SPATA21: variants seen among roughly 807,000 people sequenced by gnomAD.
The protein encoded by SPATA21 is spermatogenesis-associated protein 21.
A neutral mutation model predicts 54.8 loss-of-function variants in SPATA21; 47 were observed. The observed-to-expected ratio is 0.86, with a 90% confidence interval of 0.68 to 1.09. SPATA21 has a LOEUF of 1.09. Among genes scored for constraint, SPATA21 ranks in the 50% least tolerant of loss-of-function variants. The pLI is 0.00. For missense variants in SPATA21, 599 were observed against 596.4 expected, an observed-to-expected ratio of 1.00 and a Z score of -0.05; for synonymous variants, 245 against 235.3, an observed-to-expected ratio of 1.04 and a Z score of -0.38.
chr1:16,430,026 G>A (rs2086418542), intron 3 of SPATA21, among the ~76,000 whole-genome samples: 1 of 142,602 alleles, frequency 7.0e-6, no homozygotes, highest in African/African-American at 2.6e-5. Flanking sequence ...AAATTAGACG[G>A]AAATCATTTG....
In SPATA21 at chr1:16,403,909, G is replaced by A. The variant is rs576378699; in HGVS notation, c.883+59C>T. The A allele has an allele frequency of 2.1e-5, 34 of 1,612,234 alleles. No individual in the cohort carries two copies. In the Middle Eastern group the frequency reaches 8.3e-4, roughly 39 times the overall value. On this transcript the variant is annotated intron_variant, in intron 9 of 12. Transcript: ENST00000335496. ...GTCCTGAATGCCCTCTTCTCTCCCCGCAACCAACCTCCCAGCCCCTCCTCC... is the reference window on the plus strand; with the variant it reads ...GTCCTGAATGCCCTCTTCTCTCCCCACAACCAACCTCCCAGCCCCTCCTCC...
rs552573379 is a variant in SPATA21 at position 16,411,650 on chromosome 1, T to C, written c.145-1607A>G. On this transcript the variant is annotated intron_variant, in intron 5 of 12. Coordinates refer to ENST00000335496, the MANE Select transcript of SPATA21 (RefSeq NM_198546.1). ...CTAAAAATACAAAAAATTCGCCGGG[T>C]GTGGTGGCAGGTGCCTGTAGTTCCA... 3.8e-4 allele frequency among the ~76,000 whole-genome samples: 57 copies of C among 150,982 alleles called. No homozygotes were observed. In the Middle Eastern group the frequency reaches 0.01, roughly 27 times the overall value.
rs193287680 is a variant in SPATA21 at position 16,414,966 on chromosome 1, G to A, written c.145-4923C>T. On this transcript the variant is annotated intron_variant, in intron 5 of 12. Coordinates refer to ENST00000335496, the MANE Select transcript of SPATA21 (RefSeq NM_198546.1). ...GAAAAGAGACCCATTTTCCCATGTC[G>A]AAGACTCCTTTAATTGTTTTCCTGA... is the stretch of plus-strand genomic sequence containing the variant. 2.7e-5 allele frequency among the ~76,000 whole-genome samples: 4 copies of A among 147,406 alleles called. No individual in the cohort carries two copies. In the East Asian group the frequency reaches 8.3e-4, roughly 31 times the overall value.
chr1:16,418,629 G>A (rs978769218), intron 5 of SPATA21, among the ~76,000 whole-genome samples: 6 of 149,636 alleles, frequency 4.0e-5, no homozygotes, highest in African/African-American at 9.9e-5. Context: ...GTGCAGTGCC[G>A]CTATCTTGGC....
intron 5 of SPATA21, among the ~76,000 whole-genome samples, chr1:16,417,438 C>CTTTT (rs550527293): frequency 8.0e-6 from 1 of 124,772 alleles, no homozygotes. Flanking sequence ...TTTTTGTGGG[C>CTTTT]TTTTTTTTTT....
intron 5 of SPATA21, among the ~76,000 whole-genome samples, chr1:16,417,289 T>C (rs1415544615): frequency 6.6e-6 from 1 of 152,122 alleles, no homozygotes; most frequent in Admixed American, 6.6e-5. Context: ...AGACGGAGTT[T>C]CACTCACTGC....
At chr1:16,405,789 A>G (rs1285121736) in intron 7 of SPATA21, among the ~76,000 whole-genome samples, 2 of 152,196 alleles carry the variant, frequency 1.3e-5, no homozygotes, top group East Asian at 3.9e-4. Context: ...TCTGGTCCAC[A>G]CAATGCAGCG....
At chr1:16,410,755 C>T in intron 5 of SPATA21, 1 of 330,674 alleles carries the variant, frequency 3.0e-6, no homozygotes, top group Middle Eastern at 4.6e-4. Context: ...CCATGTTGCC[C>T]AGGCTGGTCT....
upstream of SPATA21, among the ~76,000 whole-genome samples, chr1:16,437,700 G>A (rs2100927182): frequency 6.6e-6 from 1 of 152,270 alleles, no homozygotes. Context: ...CCAGTACTCA[G>A]CACCTGGCAT....
chr1:16,430,114 C>T (rs1174998311), intron 3 of SPATA21, among the ~76,000 whole-genome samples: 1 of 53,152 alleles, frequency 1.9e-5, no homozygotes, highest in Non-Finnish European at 3.3e-5. Flanking sequence ...GACTCTATCT[C>T]AAAAAAAAAA....
In SPATA21 at chr1:16,409,112, C is replaced by A. The variant is rs752607256; in HGVS notation, c.673+6G>T. ...GCTGGGACCTCCCTGACCTCCCTGCCCTCACCTTCCTCTTGCTTCAGGGTC... is the reference window on the plus strand; with the variant it reads ...GCTGGGACCTCCCTGACCTCCCTGCACTCACCTTCCTCTTGCTTCAGGGTC... On this transcript the variant is annotated splice_donor_region_variant and intron_variant, in intron 7 of 12. Coordinates refer to ENST00000335496, the MANE Select transcript of SPATA21 (RefSeq NM_198546.1). The surrounding 1 kb of genome is among the most constrained non-coding windows in gnomAD (Gnocchi z 4.1). 6.2e-7 allele frequency: 1 copy of A among 1,614,062 alleles called. No individual in the cohort carries two copies. The highest frequency in any genetic ancestry group is 1.1e-5 in the South Asian group (1 of 91,076).
chr1:16,403,928 C>T lies in SPATA21; in HGVS notation c.883+40G>A, dbSNP rs142640055. 8.9e-4 allele frequency: 1,436 copies of T among 1,612,390 alleles called. 10 individuals carry two copies. In the African/African-American group the frequency reaches 0.016, roughly 18 times the overall value. On this transcript the variant is annotated intron_variant, in intron 9 of 12. Transcript: ENST00000335496. ...CTCCCCGCAACCAACCTCCCAGCCC[C>T]TCCTCCAGTTCTGACTACGCTGGGC...
At chr1:16,419,962 C>T (rs767459621) in intron 5 of SPATA21, among the ~76,000 whole-genome samples, 2 of 151,458 alleles carry the variant, frequency 1.3e-5, no homozygotes, top group African/African-American at 2.4e-5. Flanking sequence ...GGCAAAGTCT[C>T]GCCTGAAGAT....
intron 3 of SPATA21, among the ~76,000 whole-genome samples, chr1:16,429,332 A>G (rs900407878): frequency 6.7e-6 from 1 of 148,944 alleles, no homozygotes; most frequent in Non-Finnish European, 1.5e-5. Context: ...GGGTCTCACG[A>G]TGTTGCCCAG....
intron 5 of SPATA21, among the ~76,000 whole-genome samples, chr1:16,417,677 C>T (rs1284497045): frequency 1.3e-5 from 2 of 152,036 alleles, no homozygotes; most frequent in African/African-American, 2.4e-5. Context: ...TCAGGTGATC[C>T]GCCCACCTCG....
At position 16,422,041 on chromosome 1, in the gene SPATA21, C is replaced by G. The variant is rs567665826; in HGVS notation, c.35-70G>C. ...TCCCCATGTCCCCCTGGGCTGGGCT[C>G]TGGCGGAGCCTCCTGTGGCCTGATG... On this transcript the variant is annotated intron_variant, in intron 3 of 12. Transcript: ENST00000335496. 76 of 1,612,564 alleles carry G rather than the reference C, an allele frequency of 4.7e-5. 1 individual carries two copies. Among genetic ancestry groups the G allele is most frequent in the Admixed American group, 1.7e-4 (10 of 59,978 alleles).
chr1:16,425,163 G>T, intron 3 of SPATA21: 1 of 465,130 alleles, frequency 2.1e-6, no homozygotes. Context: ...TGCCTCCTTC[G>T]GCCTCCAGAA....
At chr1:16,415,550 CTATTAT>C (rs199579596) in intron 5 of SPATA21, among the ~76,000 whole-genome samples, 10 of 151,764 alleles carry the variant, frequency 6.6e-5, no homozygotes, top group Non-Finnish European at 1.3e-4. Context: ...AGAATGTCTC[CTATTAT>C]TATTATTATT....
intron 3 of SPATA21, chr1:16,425,844 T>C (rs2086304318): frequency 1.1e-6 from 1 of 875,128 alleles, no homozygotes; most frequent in Non-Finnish European, 1.7e-6. Context: ...GAAGGACCAA[T>C]GAAGGACTCA....
Sources: gnomAD v4.1 joint callset for allele counts (sites outside exome capture counted in the v4.1 genomes callset) on GRCh38, gnomAD v4.1.1 for gene constraint, Gnocchi (gnomAD v3.1) non-coding constraint, MANE v1.5 for transcripts, NCBI Gene and HGNC (gene_info 2026-07-23, HGNC 2026-07-21) for gene names.